The following PLXND1 variants were observed in gnomAD, a reference collection of about 807,000 sequenced individuals.
PLXND1 encodes plexin D1.
Under a neutral mutation model 197.7 loss-of-function variants are expected in PLXND1, and 54 were observed. The ratio of observed to expected loss-of-function variants is 0.27; its 90% CI spans 0.22 to 0.34. The LOEUF (loss-of-function observed/expected upper bound fraction) is 0.34, where lower values mean the gene tolerates loss of function less well. Ranked by LOEUF, PLXND1 falls within the 10% of genes least tolerant of loss-of-function variation. PLXND1 has a pLI of 1.00. For missense variants in PLXND1, 2,127 were observed against 2,699.2 expected, an observed-to-expected ratio of 0.79 and a Z score of 4.70; for synonymous variants, 1,180 against 1,161.2, an observed-to-expected ratio of 1.02 and a Z score of -0.33.
At chr3:129,594,755 G>A (rs998827410) in intron 1 of PLXND1, among the ~76,000 whole-genome samples, 8 of 152,172 alleles carry the variant, frequency 5.3e-5, no homozygotes, top group African/African-American at 1.9e-4. Flanking sequence ...CCACGGTAAC[G>A]GTAAGATGTT....
intron 8 of PLXND1, among the ~76,000 whole-genome samples, chr3:129,581,149 T>A (rs2108785805): frequency 6.6e-6 from 1 of 152,342 alleles, no homozygotes; most frequent in African/African-American, 2.4e-5. Context: ...AGGGGCCACG[T>A]GGTGTGCAGA....
intron 1 of PLXND1, among the ~76,000 whole-genome samples, chr3:129,596,649 G>A (rs917568847): frequency 1.3e-5 from 2 of 152,200 alleles, no homozygotes; most frequent in African/African-American, 4.8e-5. Flanking sequence ...GCCAGGAGCC[G>A]AGAAATAGTT....
At chr3:129,578,259 G>T in intron 9 of PLXND1, 70 bp downstream of exon 9, 2 of 893,478 alleles carry the variant, frequency 2.2e-6, no homozygotes, top group Non-Finnish European at 3.7e-6. Flanking sequence ...GGACATGGGG[G>T]CAGTTAGTGG....
Position 129,577,083 on chromosome 3 carries a change from C to T in PLXND1, c.2347-1228G>A, listed in dbSNP as rs919792221. On this transcript the variant is annotated intron_variant, in intron 9 of 35. Transcript: ENST00000324093. The surrounding 1 kb of genome is among the most constrained non-coding windows in gnomAD (Gnocchi z 5.0). ...GCTAACACAGGAAAGTGGCTGCTGACGGGGCCAAAAGCCCGTTTTGTCCCC... is the reference window on the plus strand; with the variant it reads ...GCTAACACAGGAAAGTGGCTGCTGATGGGGCCAAAAGCCCGTTTTGTCCCC... 3.3e-5 allele frequency among the ~76,000 whole-genome samples: 5 copies of T among 152,214 alleles called. No homozygotes were observed. The highest frequency in any genetic ancestry group is 4.8e-5 in the African/African-American group (2 of 41,462).
intron 25 of PLXND1, among the ~76,000 whole-genome samples, chr3:129,563,672 C>G (rs530367433): frequency 5.9e-5 from 9 of 152,282 alleles, no homozygotes; most frequent in Admixed American, 4.6e-4. Flanking sequence ...GATGTGGCCT[C>G]GACCCCACTT....
At chr3:129,601,335 G>C (rs1249036329) in intron 1 of PLXND1, among the ~76,000 whole-genome samples, 2 of 152,226 alleles carry the variant, frequency 1.3e-5, no homozygotes, top group Non-Finnish European at 2.9e-5. Flanking sequence ...TTCTCGGGAA[G>C]AAGGTGGAGG....
intron 8 of PLXND1, among the ~76,000 whole-genome samples, chr3:129,581,052 C>T (rs895742203): frequency 3.3e-5 from 5 of 152,182 alleles, no homozygotes; most frequent in South Asian, 2.1e-4. Context: ...ACATCTTTCA[C>T]GCGGGGACCA....
intron 1 of PLXND1, among the ~76,000 whole-genome samples, chr3:129,599,831 AGC>A (rs1560084282): frequency 6.6e-6 from 1 of 152,192 alleles, no homozygotes; most frequent in Non-Finnish European, 1.5e-5. Context: ...ACAGCTCACC[AGC>A]CACCAGGAAG....
At position 129,571,850 on chromosome 3, in the gene PLXND1, G is replaced by T; in HGVS notation, c.3078-6C>A. 6.2e-7 allele frequency: 1 copy of T among 1,603,848 alleles called. No individual in the cohort carries two copies. Among genetic ancestry groups the T allele is most frequent in the East Asian group, 2.3e-5 (1 of 44,352 alleles). Reference sequence around the variant, plus strand: ...CGATGCTGGTATCTGTGCGCCTGGGGGGAGCAGCAGGTTATCAGCAGGGCC... The same window carrying T: ...CGATGCTGGTATCTGTGCGCCTGGGTGGAGCAGCAGGTTATCAGCAGGGCC... On this transcript the variant is annotated splice_region_variant and splice_polypyrimidine_tract_variant and intron_variant, in intron 15 of 35. Coordinates refer to ENST00000324093, the MANE Select transcript of PLXND1 (RefSeq NM_015103.3).
At chr3:129,561,595 GC>G in intron 29 of PLXND1, 50 bp downstream of exon 29, 1 of 1,357,110 alleles carries the variant, frequency 7.4e-7, no homozygotes, top group South Asian at 1.2e-5. Flanking sequence ...TGGGATGGAA[GC>G]CCCTGTCCAC....
At chr3:129,589,947 C>A (rs769442830) in intron 1 of PLXND1, among the ~76,000 whole-genome samples, 4 of 152,184 alleles carry the variant, frequency 2.6e-5, no homozygotes, top group African/African-American at 4.8e-5. Flanking sequence ...GCTTAACCCG[C>A]TGGCACCCAA....
chr3:129,565,299 C>T (rs760330399), intron 25 of PLXND1, 41 bp downstream of exon 25: 21 of 1,565,022 alleles, frequency 1.3e-5, no homozygotes, highest in Admixed American at 5.0e-5. Flanking sequence ...GTCCCTGCCA[C>T]GTCCCCCGCC....
intron 8 of PLXND1, among the ~76,000 whole-genome samples, chr3:129,583,277 T>C (rs79132099): frequency 0.011 from 1,663 of 152,250 alleles, 36 homozygotes; most frequent in African/African-American, 0.037. Context: ...TGTAGAACTA[T>C]GGCCACACTA....
chr3:129,578,163 G>A (rs562581120), intron 9 of PLXND1, among the ~76,000 whole-genome samples, 166 bp downstream of exon 9: 2 of 152,352 alleles, frequency 1.3e-5, no homozygotes, highest in South Asian at 2.1e-4. Context: ...GCTTCCTCAT[G>A]CAGAAGGTGG....
At position 129,557,083 on chromosome 3, in the gene PLXND1, C is replaced by T; in HGVS notation, c.5586G>A (p.Arg1862=). 1.2e-5 allele frequency: 19 copies of T among 1,613,854 alleles called. No homozygotes were observed. Among genetic ancestry groups the T allele is most frequent in the Non-Finnish European group, 1.6e-5 (19 of 1,180,020 alleles). ...EMNAHLAEES[R]KYQNEFNTNV... ...ATCCCCCGCCGCCGAGCCACCGCAC[C>T]CTCGACTCCTCGGCCAGATGGGCAT... The change falls in exon 34 of 36, where the codon AGG becomes AGA. Residue 1862 remains arginine (R), a splice_region_variant and synonymous_variant. Coordinates refer to ENST00000324093, the MANE Select transcript of PLXND1 (RefSeq NM_015103.3). This position sits in a 1 kb window ranked among gnomAD's most constrained non-coding sequence, Gnocchi z 4.8.
chr3:129,604,711 C>T (rs1386236771), intron 1 of PLXND1, among the ~76,000 whole-genome samples: 3 of 152,246 alleles, frequency 2.0e-5, no homozygotes, highest in East Asian at 3.8e-4. Context: ...CAAATACCTG[C>T]GTCCCCTGCC....
intron 1 of PLXND1, among the ~76,000 whole-genome samples, chr3:129,604,159 C>G (rs1269953869): frequency 6.6e-6 from 1 of 152,178 alleles, no homozygotes; most frequent in East Asian, 1.9e-4. Context: ...CAGCCTCAGA[C>G]ACCTGGGCCC....
In PLXND1 at chr3:129,572,986, G is replaced by A. The variant is rs769408125; in HGVS notation, c.2838-45C>T. On this transcript the variant is annotated intron_variant, in intron 13 of 35. Coordinates refer to ENST00000324093, the MANE Select transcript of PLXND1 (RefSeq NM_015103.3). ...TCAGCCAGCGGTCCTTGGCCCCCACGGCCACCCTAGAGCCAGGCTCAGGGA... is the reference window on the plus strand; with the variant it reads ...TCAGCCAGCGGTCCTTGGCCCCCACAGCCACCCTAGAGCCAGGCTCAGGGA... 2.4e-5 allele frequency: 33 copies of A among 1,399,770 alleles called. No homozygotes were observed. In the East Asian group the frequency reaches 2.8e-4, roughly 12 times the overall value. 86.7% of individuals were successfully genotyped at this position (1,399,770 alleles called of 1,614,324 possible). A position where few individuals can be genotyped will look rare whatever the true frequency, so the allele number is the denominator to read the frequency against.
intron 30 of PLXND1, 26 bp from the exon 31 acceptor site, chr3:129,560,460 TCCGCAC>T: frequency 6.7e-7 from 1 of 1,500,764 alleles, no homozygotes; most frequent in Non-Finnish European, 9.3e-7. Context: ...GTGGTCAGTG[TCCGCAC>T]CAGGCCCCAT....
Sources: gnomAD v4.1 joint callset for allele counts (sites outside exome capture counted in the v4.1 genomes callset) on GRCh38, gnomAD v4.1.1 for gene constraint, Gnocchi (gnomAD v3.1) non-coding constraint, MANE v1.5 for transcripts, NCBI Gene and HGNC (gene_info 2026-07-23, HGNC 2026-07-21) for gene names.